YLPM1: variants seen among roughly 807,000 people sequenced by gnomAD.
The protein encoded by YLPM1 is YLP motif-containing protein 1.
In YLPM1, 99 loss-of-function variants were observed where a neutral mutation model predicts 230.0. That is an observed-to-expected ratio of 0.43 (90% CI 0.37 to 0.51). YLPM1 has a LOEUF of 0.51. Among genes scored for constraint, YLPM1 ranks in the 20% least tolerant of loss-of-function variants. The pLI, the probability that YLPM1 is intolerant of heterozygous loss-of-function variation, is 0.00. For synonymous variants in YLPM1, 984 were observed against 942.5 expected (o/e 1.04, Z -0.81); for missense variants, 2,592 against 2,707.7 (o/e 0.96, Z 0.95).
At chr14:74,802,111 G>A (rs931144250) in intron 5 of YLPM1, among the ~76,000 whole-genome samples, 3 of 151,746 alleles carry the variant, frequency 2.0e-5, no homozygotes, top group Admixed American at 6.6e-5. Flanking sequence ...CCAGCTACTC[G>A]GGAGGCTGAG....
At chr14:74,832,253 C>T (rs1355142410) in intron 19 of YLPM1, among the ~76,000 whole-genome samples, 1 of 152,138 alleles carries the variant, frequency 6.6e-6, no homozygotes, top group Non-Finnish European at 1.5e-5. Context: ...TTATTCTGCT[C>T]CTTGTATGTT....
Position 74,798,622 on chromosome 14 carries a change from CGAGA to C in YLPM1, c.3326_3329del (p.Arg1109GlnfsTer97). On this transcript the variant is annotated frameshift_variant, in exon 5 of 21. Coordinates refer to ENST00000325680, the MANE Select transcript of YLPM1 (RefSeq NM_019589.3). LOFTEE classifies it high-confidence loss of function. The stretch of plus-strand genomic sequence containing the variant: ...CCAGGACAGGGGTGCAGCTGGCAGC[CGAGA>C]AAGGGGACCACCTCGGAGGGCTGGC... 6.2e-7 allele frequency: 1 copy of C among 1,611,542 alleles called. No individual in the cohort carries two copies. The highest frequency in any genetic ancestry group is 1.7e-5 in the Admixed American group (1 of 59,854).
At chr14:74,772,288 C>G (rs2090985031) in intron 1 of YLPM1, among the ~76,000 whole-genome samples, 1 of 150,038 alleles carries the variant, frequency 6.7e-6, no homozygotes, top group African/African-American at 2.5e-5. Context: ...TTCCTGGGCT[C>G]AAGCGATATT....
Position 74,763,512 on chromosome 14 carries a change from A to G in YLPM1, c.23A>G (p.Tyr8Cys), listed in dbSNP as rs778679863. The change falls in exon 1 of 21, where the codon TAT becomes TGT. Residue 8 changes from tyrosine (Y) to cysteine (C), a missense_variant. Tyr to Cys is a radical substitution (Grantham distance 194). This residue lies in a region of YLPM1 where 1,862 missense variants were observed against 1,819.8 expected (regional missense o/e 1.02). Transcript: ENST00000325680. ...GATATGTACCCGAATTGGGGCCGGTATGGCGGGAGCAGCCACTATCCGCCG... is the reference window on the plus strand; with the variant it reads ...GATATGTACCCGAATTGGGGCCGGTGTGGCGGGAGCAGCCACTATCCGCCG... MYPNWGR[Y>C]GGSSHYPPPP... 1.3e-5 allele frequency: 20 copies of G among 1,489,740 alleles called. 1 individual carries two copies. In the South Asian group the frequency reaches 2.1e-4, roughly 16 times the overall value. The allele number at this position is 1,489,740 out of a possible 1,614,324, so 92.3% of individuals were successfully genotyped here. A position where few individuals can be genotyped will look rare whatever the true frequency, so the allele number is the denominator to read the frequency against.
intron 4 of YLPM1, among the ~76,000 whole-genome samples, 176 bp from the exon 5 acceptor site, chr14:74,797,404 A>C (rs565248224): frequency 6.6e-6 from 1 of 152,204 alleles, no homozygotes; most frequent in South Asian, 2.1e-4. Flanking sequence ...CCTTCTGAGC[A>C]CTGCCACCTT....
chr14:74,774,454 G>C (rs1319143716), intron 1 of YLPM1, among the ~76,000 whole-genome samples: 1 of 152,088 alleles, frequency 6.6e-6, no homozygotes, highest in Non-Finnish European at 1.5e-5. Context: ...CGCCCAGGCT[G>C]GAGTGCAGTG....
rs574758510 is a variant in YLPM1, at chr14:74,813,360, C to G, written c.5502+578C>G. 5.9e-5 allele frequency among the ~76,000 whole-genome samples: 9 copies of G among 151,384 alleles called. No homozygotes were observed. In the East Asian group the frequency reaches 1.7e-3, roughly 29 times the overall value. Reference sequence around the variant, plus strand: ...AAATCTTTTACCATTTCCTTCCTTTCATTCTATTTGTATCTTTTAATGTAA... The same window carrying G: ...AAATCTTTTACCATTTCCTTCCTTTGATTCTATTTGTATCTTTTAATGTAA... On this transcript the variant is annotated intron_variant, in intron 11 of 20. Transcript: ENST00000325680.
rs755392869 is a variant in YLPM1, at chr14:74,764,167, C to G, written c.678C>G (p.Pro226=). The G allele has an allele frequency of 1.2e-6, 2 of 1,613,580 alleles. No homozygotes were observed. Among genetic ancestry groups the G allele is most frequent in the African/African-American group, 2.7e-5 (2 of 74,844 alleles). ...SYLSHSQSYL[P]SSQASPSRPS... Reference sequence around the variant, plus strand: ...TGAGCCATTCCCAGTCCTACTTGCCCTCTTCTCAGGCATCTCCTTCCCGCC... The same window carrying G: ...TGAGCCATTCCCAGTCCTACTTGCCGTCTTCTCAGGCATCTCCTTCCCGCC... Residue 226 remains proline, a synonymous_variant, in exon 1 of 21, where the codon CCC becomes CCG. Transcript: ENST00000325680.
rs1410807617 is a variant in YLPM1 at position 74,763,773 on chromosome 14, G to C, written c.284G>C (p.Gly95Ala). 6.6e-7 allele frequency: 1 copy of C among 1,510,160 alleles called. No homozygotes were observed. The highest frequency in any genetic ancestry group is 8.8e-7 in the Non-Finnish European group (1 of 1,130,384). 93.5% of individuals were successfully genotyped at this position (1,510,160 alleles called of 1,614,324 possible). A position where few individuals can be genotyped will look rare whatever the true frequency, so the allele number is the denominator to read the frequency against. Residue 95 changes from glycine (G) to alanine (A), a missense_variant, in exon 1 of 21, where the codon GGC becomes GCC. Physicochemically the swap from Gly to Ala is moderately conservative, Grantham distance 60. Coordinates refer to ENST00000325680, the MANE Select transcript of YLPM1 (RefSeq NM_019589.3). Reference sequence around the variant, plus strand: ...CCGCCCCCGCCAGTGATGCCGGGGGGCGGCTACGGAGACTGGCAGCCGCCA... The same window carrying C: ...CCGCCCCCGCCAGTGATGCCGGGGGCCGGCTACGGAGACTGGCAGCCGCCA... ...PLPPPPVMPG[G>A]GYGDWQPPPP...
At chr14:74,777,105 A>G (rs1259044443) in intron 1 of YLPM1, among the ~76,000 whole-genome samples, 1 of 152,038 alleles carries the variant, frequency 6.6e-6, no homozygotes, top group African/African-American at 2.4e-5. Context: ...TTGCAAATAC[A>G]GAATCCAAGA....
chr14:74,815,737 G>A (rs564524317), intron 11 of YLPM1, among the ~76,000 whole-genome samples: 1 of 152,032 alleles, frequency 6.6e-6, no homozygotes. Flanking sequence ...TAAAGTGGAT[G>A]GTTAAGTTAT....
chr14:74,804,729 T>C (rs2091359811), intron 6 of YLPM1, among the ~76,000 whole-genome samples: 1 of 152,232 alleles, frequency 6.6e-6, no homozygotes, highest in African/African-American at 2.4e-5. Flanking sequence ...TGTTTTCTTG[T>C]CTTTCTTTCT....
rs750948944 is a variant in YLPM1, at chr14:74,803,070, G to A, written c.4521+394G>A. On this transcript the variant is annotated intron_variant, in intron 6 of 20. Coordinates refer to ENST00000325680, the MANE Select transcript of YLPM1 (RefSeq NM_019589.3). ...GCCCAGGAGTTTGACACCAGCCTTC[G>A]CAAAATGGTGAGACCCCTATCTCTA... is the stretch of plus-strand genomic sequence containing the variant. Among the ~76,000 whole-genome samples, 136 of 151,340 alleles carry A rather than the reference G, an allele frequency of 9.0e-4. 1 individual carries two copies. The highest frequency in any genetic ancestry group is 2.5e-4 in the Non-Finnish European group (17 of 67,934).
chr14:74,816,607 G>T lies in YLPM1; in HGVS notation c.5602G>T (p.Val1868Phe), dbSNP rs1329341387. The T allele has an allele frequency of 6.2e-7, 1 of 1,613,736 alleles. No individual in the cohort carries two copies. Among genetic ancestry groups the T allele is most frequent in the South Asian group, 1.1e-5 (1 of 91,042 alleles). The change falls in exon 13 of 21, where the codon GTT becomes TTT. Residue 1868 changes from valine to phenylalanine, a missense_variant. Physicochemically the swap from Val to Phe is conservative, Grantham distance 50. Transcript: ENST00000325680. Reference sequence around the variant, plus strand: ...AGAATTTGGAGGACCTGCACCCAGAGTTCTAAGCCTGGATGATTACTTCAT... The same window carrying T: ...AGAATTTGGAGGACCTGCACCCAGATTTCTAAGCCTGGATGATTACTTCAT... Reference protein sequence around the residue: ...EVEFGGPAPRVLSLDDYFITE... With the variant: ...EVEFGGPAPRFLSLDDYFITE...
intron 10 of YLPM1, 75 bp from the exon 11 acceptor site, chr14:74,812,553 G>C (rs770129377): frequency 6.9e-7 from 1 of 1,452,794 alleles, no homozygotes; most frequent in Non-Finnish European, 9.2e-7. Context: ...TATTACCTTA[G>C]GATGTGTGGG....
intron 4 of YLPM1, among the ~76,000 whole-genome samples, chr14:74,792,103 C>T (rs1366991960): frequency 6.6e-6 from 1 of 152,096 alleles, no homozygotes; most frequent in Non-Finnish European, 1.5e-5. Context: ...GGAACCACAC[C>T]TTCACAAGCC....
At chr14:74,776,960 G>A (rs1229764840) in intron 1 of YLPM1, among the ~76,000 whole-genome samples, 1 of 152,094 alleles carries the variant, frequency 6.6e-6, no homozygotes, top group Non-Finnish European at 1.5e-5. Context: ...GGAGGTTGAA[G>A]CGGGAGGATC....
intron 18 of YLPM1, chr14:74,828,060 A>G: frequency 1.1e-6 from 1 of 949,222 alleles, no homozygotes; most frequent in Non-Finnish European, 1.3e-6. Flanking sequence ...CTTTGCCAAG[A>G]ATGCAAAATC....
rs368003492 is a variant in YLPM1 at position 74,763,654 on chromosome 14, A to G, written c.165A>G (p.Glu55=). 15 of 1,588,804 alleles carry G rather than the reference A, an allele frequency of 9.4e-6. No homozygotes were observed. Among genetic ancestry groups the G allele is most frequent in the African/African-American group, 1.4e-5 (1 of 72,970 alleles). The change falls in exon 1 of 21, where the codon GAA becomes GAG. Residue 55 remains glutamate, a synonymous_variant. Coordinates refer to ENST00000325680, the MANE Select transcript of YLPM1 (RefSeq NM_019589.3). The part of the protein sequence containing the change: ...PSSSGFMSFR[E]QHLAQLQQLQ... ...CCTCGGGCTTCATGAGCTTCCGCGA[A>G]CAGCACTTGGCGCAGCTCCAGCAGC...
Sources: allele counts gnomAD v4.1 joint callset (sites outside exome capture counted in the v4.1 genomes callset), GRCh38; gene constraint gnomAD v4.1.1; regional missense constraint gnomAD v4.1.1; transcripts MANE v1.5; gene names NCBI Gene and HGNC (gene_info 2026-07-23, HGNC 2026-07-21).